The following BABAM2 variants were observed in gnomAD, a reference collection of about 807,000 sequenced individuals.
BABAM2 encodes the protein BRISC and BRCA1-A complex member 2.
In BABAM2, 31 loss-of-function variants were observed where a neutral mutation model predicts 54.7. The observed-to-expected ratio is 0.57, with a 90% CI of 0.43 to 0.77. The LOEUF (loss-of-function observed/expected upper bound fraction) is 0.77, where lower values mean the gene tolerates loss of function less well. Ranked by LOEUF, BABAM2 falls within the 30% of genes least tolerant of loss-of-function variation. The pLI, the probability that BABAM2 is intolerant of heterozygous loss-of-function variation, is 0.00. For synonymous variants in BABAM2, 167 were observed against 162.9 expected, an observed-to-expected ratio of 1.03 and a Z score of -0.19; for missense variants, 364 against 455.8, an observed-to-expected ratio of 0.80 and a Z score of 1.83.
At chr2:28,110,081 G>A (rs78938732) in intron 6 of BABAM2, among the ~76,000 whole-genome samples, 6,071 of 152,144 alleles carry the variant, frequency 0.04, 168 homozygotes, top group Middle Eastern at 0.092. Flanking sequence ...CTGCGATTTT[G>A]ACTACTCTCA....
chr2:28,150,649 A>G (rs977429607), intron 7 of BABAM2, among the ~76,000 whole-genome samples: 1 of 152,220 alleles, frequency 6.6e-6, no homozygotes, highest in Non-Finnish European at 1.5e-5. Context: ...CTGCTTGGAA[A>G]GAGCTGTGCT....
intron 4 of BABAM2, among the ~76,000 whole-genome samples, chr2:28,003,051 G>T (rs1673690248): frequency 6.6e-6 from 1 of 152,072 alleles, no homozygotes; most frequent in Non-Finnish European, 1.5e-5. Flanking sequence ...TATACATTTT[G>T]GTGATTATTA....
At chr2:27,957,617 A>AT (rs1670179583) in intron 3 of BABAM2, among the ~76,000 whole-genome samples, 1 of 152,196 alleles carries the variant, frequency 6.6e-6, no homozygotes, top group African/African-American at 2.4e-5. Context: ...GTAGAGCATG[A>AT]TTTTAGATGA....
intron 6 of BABAM2, among the ~76,000 whole-genome samples, chr2:28,074,011 A>G (rs937892828): frequency 6.7e-6 from 1 of 148,382 alleles, no homozygotes; most frequent in Non-Finnish European, 1.5e-5. Context: ...ACACATATAT[A>G]CACACACATA....
At chr2:28,130,209 T>TGAGTAGATGTGGTCACTATC (rs1249387111) in intron 7 of BABAM2, among the ~76,000 whole-genome samples, 4 of 152,214 alleles carry the variant, frequency 2.6e-5, no homozygotes, top group Non-Finnish European at 4.4e-5. Context: ...TTTCTGTCTG[T>TGAGTAGATGTGGTCACTATC]GAGTAGATGT....
intron 7 of BABAM2, among the ~76,000 whole-genome samples, chr2:28,154,300 T>G (rs988367139): frequency 1.3e-5 from 2 of 152,240 alleles, no homozygotes; most frequent in African/African-American, 2.4e-5. Flanking sequence ...GTTCCTCATT[T>G]TATGAATTCA....
intron 5 of BABAM2, among the ~76,000 whole-genome samples, chr2:28,026,831 TAA>T (rs1675747997): frequency 9.5e-5 from 5 of 52,564 alleles, no homozygotes; most frequent in Admixed American, 2.8e-4. Flanking sequence ...TTTATATATA[TAA>T]ATATATATAA....
chr2:28,044,132 A>G (rs1677361733), intron 5 of BABAM2, among the ~76,000 whole-genome samples: 1 of 152,222 alleles, frequency 6.6e-6, no homozygotes, highest in African/African-American at 2.4e-5. Context: ...AACAAACAAC[A>G]TTTAGGCAGA....
chr2:28,157,523 A>G (rs547229812), intron 7 of BABAM2, among the ~76,000 whole-genome samples: 1 of 152,360 alleles, frequency 6.6e-6, no homozygotes, highest in East Asian at 1.9e-4. Context: ...AAAGTCAAAT[A>G]CAAAATACAT....
intron 11 of BABAM2, among the ~76,000 whole-genome samples, chr2:28,310,939 G>T (rs1367580057): frequency 6.6e-6 from 1 of 151,488 alleles, no homozygotes; most frequent in African/African-American, 2.4e-5. Context: ...TCTTTGTCAG[G>T]AAAATTAACT....
At chr2:28,241,415 C>T (rs181507141) in intron 9 of BABAM2, 22 bp downstream of exon 9, 48 of 1,607,146 alleles carry the variant, frequency 3.0e-5, no homozygotes, top group Middle Eastern at 1.7e-4. Flanking sequence ...CCTGTTTGAA[C>T]GATATACCGG....
At chr2:28,297,890 A>G (rs1451387555) in intron 10 of BABAM2, among the ~76,000 whole-genome samples, 1 of 152,194 alleles carries the variant, frequency 6.6e-6, no homozygotes, top group Non-Finnish European at 1.5e-5. Flanking sequence ...GCCTCCATCA[A>G]ATTATAGATG....
chr2:28,247,108 C>G (rs370433067), intron 10 of BABAM2, among the ~76,000 whole-genome samples: 1 of 152,206 alleles, frequency 6.6e-6, no homozygotes, highest in East Asian at 1.9e-4. Flanking sequence ...CTCATTAGAA[C>G]AGCTACCCGG....
intron 6 of BABAM2, among the ~76,000 whole-genome samples, chr2:28,107,151 G>A (rs1667597405): frequency 6.6e-6 from 1 of 151,954 alleles, no homozygotes; most frequent in Non-Finnish European, 1.5e-5. Flanking sequence ...CCTTGGGTGT[G>A]CACTCCCTTC....
At chr2:28,312,840 C>A (rs1689193473) in intron 11 of BABAM2, among the ~76,000 whole-genome samples, 1 of 152,116 alleles carries the variant, frequency 6.6e-6, no homozygotes, top group Non-Finnish European at 1.5e-5. Context: ...TCGATATAGA[C>A]CTTTAAGCAC....
intron 6 of BABAM2, among the ~76,000 whole-genome samples, chr2:28,114,314 C>T (rs1398581608): frequency 2.0e-5 from 3 of 152,178 alleles, no homozygotes; most frequent in African/African-American, 7.2e-5. Context: ...ATAAGCGACT[C>T]TAGCAAAGTC....
intron 10 of BABAM2, among the ~76,000 whole-genome samples, chr2:28,252,822 A>G (rs1683622670): frequency 6.6e-6 from 1 of 152,244 alleles, no homozygotes; most frequent in Admixed American, 6.5e-5. Flanking sequence ...TAATTGCCAA[A>G]GCAAGTGTTT....
chr2:28,060,649 T>C (rs1678782847), intron 6 of BABAM2, among the ~76,000 whole-genome samples: 1 of 152,192 alleles, frequency 6.6e-6, no homozygotes. Context: ...TGTTGCAGGA[T>C]ACAAGGTCAA....
chr2:28,102,755 T>C (rs958418962), intron 6 of BABAM2, among the ~76,000 whole-genome samples: 3 of 152,150 alleles, frequency 2.0e-5, no homozygotes, highest in Non-Finnish European at 2.9e-5. Flanking sequence ...GACAAAATAC[T>C]AGGGGAGGTT....
Sources: allele counts gnomAD v4.1 joint callset (sites outside exome capture counted in the v4.1 genomes callset), GRCh38; gene constraint gnomAD v4.1.1; transcripts MANE v1.5; gene names NCBI Gene and HGNC (gene_info 2026-07-23, HGNC 2026-07-21).